Variants in BRD3 observed in about 807,000 individuals in gnomAD.
BRD3 encodes the protein bromodomain-containing protein 3.
In BRD3, 17 loss-of-function variants were observed where a neutral mutation model predicts 66.8. The ratio of observed to expected loss-of-function variants is 0.25; its 90% confidence interval spans 0.17 to 0.38. The LOEUF is 0.38. Among genes scored for constraint, BRD3 ranks in the 10% least tolerant of loss-of-function variants. The pLI is 1.00. For missense variants in BRD3, 713 were observed against 956.1 expected, an observed-to-expected ratio of 0.75 and a Z score of 3.35; for synonymous variants, 421 against 393.2, an observed-to-expected ratio of 1.07 and a Z score of -0.84.
In BRD3 at chr9:134,031,379, CCCTGTGCTGGCAGCA is replaced by C. The variant is rs1843510269; in HGVS notation, c.*2196_*2210del. 1 of 208,460 alleles carries C rather than the reference CCCTGTGCTGGCAGCA, an allele frequency of 4.8e-6. No individual in the cohort carries two copies. The highest frequency in any genetic ancestry group is 9.8e-6 in the Non-Finnish European group (1 of 102,434). 12.9% of individuals were successfully genotyped at this position (208,460 alleles called of 1,614,324 possible). Reference sequence around the variant, plus strand: ...GGCTTAGGGTGTACGTATCACCCAGCCCTGTGCTGGCAGCACGTTACCAACCAGCCTGCGTGAAGA... The same window carrying C: ...GGCTTAGGGTGTACGTATCACCCAGCCGTTACCAACCAGCCTGCGTGAAGA... On this transcript the variant is annotated 3_prime_UTR_variant, in exon 12 of 12. Transcript: ENST00000303407.
At chr9:134,063,507 CCT>C (rs2132457541) in intron 1 of BRD3, among the ~76,000 whole-genome samples, 1 of 152,316 alleles carries the variant, frequency 6.6e-6, no homozygotes, top group African/African-American at 2.4e-5. Context: ...GGGAGGGCAT[CCT>C]CTCAGCCGCT....
intron 11 of BRD3, among the ~76,000 whole-genome samples, chr9:134,034,316 G>A (rs559906074): frequency 2.0e-4 from 31 of 152,332 alleles, no homozygotes; most frequent in Admixed American, 5.9e-4. Context: ...TGGGCCTCCC[G>A]CCTCTGCTAC....
rs151042700 is a variant in BRD3, at chr9:134,045,709, G to C, written c.1087-288C>G. Reference sequence around the variant, plus strand: ...ACTCAACAAGAAATCCCAGGTTCCCGTAGGCGTCCCTTGGCCCCTTCCTTG... The same window carrying C: ...ACTCAACAAGAAATCCCAGGTTCCCCTAGGCGTCCCTTGGCCCCTTCCTTG... On this transcript the variant is annotated intron_variant, in intron 6 of 11. Coordinates refer to ENST00000303407, the MANE Select transcript of BRD3 (RefSeq NM_007371.4). This position sits in a 1 kb window ranked among gnomAD's most constrained non-coding sequence, Gnocchi z 4.8. Among the ~76,000 whole-genome samples, 1 of 152,150 alleles carries C rather than the reference G, an allele frequency of 6.6e-6. No homozygotes were observed. Among genetic ancestry groups the C allele is most frequent in the African/African-American group, 2.4e-5 (1 of 41,442 alleles).
Position 134,033,732 on chromosome 9 carries a change from G to A in BRD3, c.2066-27C>T, listed in dbSNP as rs201243380. ...TGTGGAGACATGGGCAGGGAGATGC[G>A]CTCGCACACCCGCTTCTTGACCCGC... On this transcript the variant is annotated intron_variant, in intron 11 of 11. Transcript: ENST00000303407. This position sits in a 1 kb window ranked among gnomAD's most constrained non-coding sequence, Gnocchi z 5.1. The A allele has an allele frequency of 1.2e-4, 87 of 704,236 alleles. No individual in the cohort carries two copies. Among genetic ancestry groups the A allele is most frequent in the Non-Finnish European group, 1.1e-4 (42 of 383,202 alleles). The allele number at this position is 704,236 out of a possible 1,614,324, so 43.6% of individuals were successfully genotyped here. A position where few individuals can be genotyped will look rare whatever the true frequency, so the allele number is the denominator to read the frequency against.
At chr9:134,056,781 A>C (rs564097270) in intron 1 of BRD3, 1 of 152,258 alleles carries the variant, frequency 6.6e-6, no homozygotes, top group Admixed American at 6.5e-5. Context: ...GTGGGGAGGG[A>C]GGGCTGAGAC....
intron 1 of BRD3, among the ~76,000 whole-genome samples, chr9:134,055,345 C>T (rs1375621641): frequency 6.6e-6 from 1 of 152,116 alleles, no homozygotes; most frequent in Admixed American, 6.5e-5. Flanking sequence ...GTTGGTGGGG[C>T]CTGGGGTGAC....
At chr9:134,048,489 C>A (rs1830223704) in intron 5 of BRD3, 35 bp from the exon 6 acceptor site, 1 of 1,597,000 alleles carries the variant, frequency 6.3e-7, no homozygotes, top group Non-Finnish European at 8.5e-7. Context: ...ACCCCGGAAA[C>A]CAGGGGCCCC....
At chr9:134,051,269 G>A (rs1830288852) in intron 4 of BRD3, among the ~76,000 whole-genome samples, 1 of 152,194 alleles carries the variant, frequency 6.6e-6, no homozygotes, top group African/African-American at 2.4e-5. Flanking sequence ...AGCTGGAAGG[G>A]GGAGCAGGAT....
chr9:134,035,632 C>T (rs994845556), intron 10 of BRD3, among the ~76,000 whole-genome samples: 2 of 152,230 alleles, frequency 1.3e-5, no homozygotes, highest in African/African-American at 4.8e-5. Context: ...GAGAGGTCAC[C>T]TGCAGCCAAG....
chr9:134,047,998 C>T (rs1830211332), intron 6 of BRD3, 85 bp downstream of exon 6: 2 of 1,438,866 alleles, frequency 1.4e-6, no homozygotes, highest in East Asian at 2.5e-5. Context: ...CCCCGACAGC[C>T]CCCACTCAGC....
At position 134,030,764 on chromosome 9, in the gene BRD3, G is replaced by A; in HGVS notation, c.*2826C>T. 4.3e-6 allele frequency: 1 copy of A among 232,070 alleles called. No homozygotes were observed. The highest frequency in any genetic ancestry group is 8.5e-6 in the Non-Finnish European group (1 of 117,258). The allele number at this position is 232,070 out of a possible 1,614,324, so 14.4% of individuals were successfully genotyped here. On this transcript the variant is annotated 3_prime_UTR_variant, in exon 12 of 12. Transcript: ENST00000303407. ...AATGTGTCTTACAGTTTGTAAGCAAGATGACACTGCCCAACACAAAGAGGG... is the reference window on the plus strand; with the variant it reads ...AATGTGTCTTACAGTTTGTAAGCAAAATGACACTGCCCAACACAAAGAGGG...
At chr9:134,058,460 G>C (rs1215365092) in intron 1 of BRD3, 1 of 152,350 alleles carries the variant, frequency 6.6e-6, no homozygotes. Flanking sequence ...CCAGCTCCCA[G>C]AAACAAAGTA....
At chr9:134,065,797 C>A (rs1186169064) in intron 1 of BRD3, among the ~76,000 whole-genome samples, 1 of 152,228 alleles carries the variant, frequency 6.6e-6, no homozygotes, top group African/African-American at 2.4e-5. Context: ...CACCAGGAAT[C>A]GCACAAGGCC....
At position 134,050,315 on chromosome 9, in the gene BRD3, G is replaced by A. The variant is rs1372681708; in HGVS notation, c.714+59C>T. ...GCCCCCCGCCTGCTGCTCCTGCCCT[G>A]ACCTCAGGAACCCTGGCCGGGCTCA... On this transcript the variant is annotated intron_variant, in intron 5 of 11. Coordinates refer to ENST00000303407, the MANE Select transcript of BRD3 (RefSeq NM_007371.4). 10 of 1,532,646 alleles carry A rather than the reference G, an allele frequency of 6.5e-6. No individual in the cohort carries two copies. The African/African-American group carries it at 1.1e-4, about 17-fold the overall frequency. 94.9% of individuals were successfully genotyped at this position (1,532,646 alleles called of 1,614,324 possible). A position where few individuals can be genotyped will look rare whatever the true frequency, so the allele number is the denominator to read the frequency against.
chr9:134,050,733 C>A, intron 4 of BRD3, 145 bp from the exon 5 acceptor site: 4 of 663,458 alleles, frequency 6.0e-6, no homozygotes, highest in South Asian at 1.9e-5. Flanking sequence ...TGCTGAGATG[C>A]CCCCCATCCT....
chr9:134,044,019 G>C (rs455073), intron 7 of BRD3, among the ~76,000 whole-genome samples: 37,689 of 152,198 alleles, frequency 0.25, 5,972 homozygotes, highest in East Asian at 0.63. Context: ...TTCCCTGCTC[G>C]GTCTGCAAGC....
At chr9:134,067,685 G>A (rs1458456559) in intron 1 of BRD3, among the ~76,000 whole-genome samples, 1 of 146,134 alleles carries the variant, frequency 6.8e-6, no homozygotes, top group Non-Finnish European at 1.5e-5. Flanking sequence ...CGGCCAAGCG[G>A]GAGCGGGAGG....
intron 9 of BRD3, 52 bp from the exon 10 acceptor site, chr9:134,036,376 G>T: frequency 1.3e-6 from 2 of 1,568,488 alleles, no homozygotes; most frequent in South Asian, 1.2e-5. Flanking sequence ...TACCTGCCGT[G>T]GGAGCCCACT....
chr9:134,053,143 G>A (rs1314712047), intron 2 of BRD3, 122 bp downstream of exon 2: 9 of 1,114,966 alleles, frequency 8.1e-6, no homozygotes, highest in Admixed American at 1.9e-5. Flanking sequence ...GGCACAGGCT[G>A]TCCCCAGCTT....
Sources: gnomAD v4.1 joint callset for allele counts (sites outside exome capture counted in the v4.1 genomes callset) on GRCh38, gnomAD v4.1.1 for gene constraint, Gnocchi (gnomAD v3.1) non-coding constraint, MANE v1.5 for transcripts, NCBI Gene and HGNC (gene_info 2026-07-23, HGNC 2026-07-21) for gene names.